Variants in DNAH5 observed in about 807,000 individuals in gnomAD.
DNAH5 encodes the protein axonemal beta dynein heavy chain 5.
DNAH5 carries 372 observed loss-of-function variants against 518.2 expected under a neutral mutation model. The observed-to-expected ratio is 0.72, with a 90% CI of 0.66 to 0.78. The LOEUF is 0.78. Ranked by LOEUF, DNAH5 falls within the 30% of genes least tolerant of loss-of-function variation. DNAH5 has a pLI of 0.00. For missense variants in DNAH5, 5,523 were observed against 5,687.0 expected (o/e 0.97, Z 0.93); for synonymous variants, 2,039 against 2,025.9 (o/e 1.01, Z -0.17).
chr5:13,706,807 T>C (rs1009432972), intron 76 of DNAH5, among the ~76,000 whole-genome samples: 5 of 152,222 alleles, frequency 3.3e-5, no homozygotes, highest in Admixed American at 1.3e-4. Flanking sequence ...GTTAAATTCT[T>C]ATCCTTTTAT....
chr5:13,789,777 C>T (rs1756655305), intron 50 of DNAH5, among the ~76,000 whole-genome samples: 1 of 152,086 alleles, frequency 6.6e-6, no homozygotes, highest in South Asian at 2.1e-4. Flanking sequence ...CTGACTTCAA[C>T]AATTCCATTG....
Position 13,814,607 on chromosome 5 carries a change from C to G in DNAH5, c.7228G>C (p.Glu2410Gln). 1 of 1,613,710 alleles carries G rather than the reference C, an allele frequency of 6.2e-7. No individual in the cohort carries two copies. The change falls in exon 43 of 79, where the codon GAG (glutamate) becomes CAG (glutamine). Residue 2410 changes from glutamate (E) to glutamine (Q), a missense_variant and splice_region_variant. Physicochemically the swap from Glu to Gln is conservative, Grantham distance 29 (BLOSUM62 2). This residue lies in a region of DNAH5 where 5,121 missense variants were observed against 5,223.3 expected (regional missense o/e 0.98). Transcript: ENST00000265104. ...ACAAAAGAAGGATTCAATTATACCT[C>G]AAGAATAGGACTCCAATCAAGGATA... is the stretch of plus-strand genomic sequence containing the variant. ...SSILDWSPIL[E>Q]GFLKKRSPQE...
chr5:13,900,026 C>T, intron 15 of DNAH5, 180 bp downstream of exon 15: 1 of 610,366 alleles, frequency 1.6e-6, no homozygotes, highest in Middle Eastern at 4.3e-4. Flanking sequence ...TCTTGGCCTG[C>T]AAGACCTGTA....
chr5:13,892,062 A>C (rs955552510), intron 16 of DNAH5, among the ~76,000 whole-genome samples: 3 of 152,016 alleles, frequency 2.0e-5, no homozygotes, highest in Non-Finnish European at 2.9e-5. Flanking sequence ...ACACCTCCTT[A>C]AATAAATACC....
At chr5:13,755,525 G>T (rs1750878988) in intron 61 of DNAH5, among the ~76,000 whole-genome samples, 1 of 152,112 alleles carries the variant, frequency 6.6e-6, no homozygotes, top group Non-Finnish European at 1.5e-5. Flanking sequence ...TTCATCTCCA[G>T]GGTTACCTGT....
At chr5:13,950,366 T>C (rs1056673698) in intron 1 of DNAH5, among the ~76,000 whole-genome samples, 1 of 152,128 alleles carries the variant, frequency 6.6e-6, no homozygotes, top group African/African-American at 2.4e-5. Flanking sequence ...AACCTTCGCC[T>C]CCTGGGTTCA....
Position 13,715,421 on chromosome 5 carries a change from T to C in DNAH5, c.12910-801A>G, listed in dbSNP as rs577637459. ...GTACAGGCACCCCCAAATTTATACCTTCATGGCCACTTTTCTTATTCAGTG... is the reference window on the plus strand; with the variant it reads ...GTACAGGCACCCCCAAATTTATACCCTCATGGCCACTTTTCTTATTCAGTG... On this transcript the variant is annotated intron_variant, in intron 74 of 78. Transcript: ENST00000265104. Among the ~76,000 whole-genome samples the C allele has an allele frequency of 6.1e-4, 93 of 152,326 alleles. 2 individuals carry two copies. In the South Asian group the frequency reaches 0.019, roughly 31 times the overall value.
chr5:13,751,368 AT>A, intron 64 of DNAH5, 108 bp from the exon 65 acceptor site: 1 of 1,095,232 alleles, frequency 9.1e-7, no homozygotes, highest in Non-Finnish European at 1.3e-6. Context: ...ATTGGAGATC[AT>A]TTGTATACTA....
At position 13,891,040 on chromosome 5, in the gene DNAH5, G is replaced by A. The variant is rs375292481; in HGVS notation, c.2513C>T (p.Thr838Met). 34 of 1,613,976 alleles carry A rather than the reference G, an allele frequency of 2.1e-5. No homozygotes were observed. In the African/African-American group the frequency reaches 3.6e-4, roughly 17 times the overall value. The change falls in exon 17 of 79, where the codon ACG (threonine) becomes ATG (methionine). Residue 838 changes from threonine (T) to methionine (M), a missense_variant. Around this residue, in one of 3 missense-constraint regions of DNAH5, gnomAD observed 5,121 missense variants for 5,223.3 expected, o/e 0.98. Transcript: ENST00000265104. ...IDAILEEMSS[T>M]PLCQLPQEEP... ...CTCCTGGGGAAGCTGACAAAGAGGC[G>A]TGCTGCTCATTTCTTCTAGAATGGC...
At position 13,748,198 on chromosome 5, in the gene DNAH5, G is replaced by A. The variant is rs1749678488; in HGVS notation, c.11211+2880C>T. 2.0e-5 allele frequency among the ~76,000 whole-genome samples: 3 copies of A among 152,118 alleles called. No homozygotes were observed. The South Asian group carries it at 6.2e-4, about 32-fold the overall frequency. The stretch of plus-strand genomic sequence containing the variant: ...AAGATCAGATAGTTGTAGATGTGTG[G>A]TATTATTTCTGAGGGTTCTGTTCTG... On this transcript the variant is annotated intron_variant, in intron 65 of 78. Transcript: ENST00000265104.
At chr5:13,956,448 C>G (rs997949190) in intron 1 of DNAH5, among the ~76,000 whole-genome samples, 1 of 152,030 alleles carries the variant, frequency 6.6e-6, no homozygotes, top group Non-Finnish European at 1.5e-5. Context: ...TGTTTTTATC[C>G]CCTTGAAGGT....
upstream of DNAH5, among the ~76,000 whole-genome samples, chr5:13,949,238 C>T (rs1048144729): frequency 1.3e-5 from 2 of 152,104 alleles, no homozygotes; most frequent in African/African-American, 2.4e-5. Context: ...TTTGGTCTTT[C>T]CATCTTGAAA....
intron 31 of DNAH5, among the ~76,000 whole-genome samples, chr5:13,846,046 C>G (rs373056332): frequency 6.6e-6 from 1 of 150,558 alleles, no homozygotes; most frequent in South Asian, 2.1e-4. Flanking sequence ...ACCATGTTAG[C>G]CAGGCTAGTC....
intron 58 of DNAH5, 84 bp downstream of exon 58, chr5:13,768,876 A>G (rs2126775197): frequency 1.4e-6 from 2 of 1,461,498 alleles, no homozygotes. Flanking sequence ...CCAGTAGAGC[A>G]TTTCCTTGCT....
Position 13,823,355 on chromosome 5 carries a change from G to A in DNAH5, c.6595C>T (p.Pro2199Ser). The change falls in exon 40 of 79, where the codon CCC (proline) becomes TCC (serine). Residue 2199 changes from proline to serine, a missense_variant. Physicochemically the swap from Pro to Ser is moderately conservative, Grantham distance 74. Transcript: ENST00000265104. ...NLSKLIDEDE[P>S]LFLSLIEDLF... ...TCTTCAATCAAACTCAAAAACAAGG[G>A]TTCATCCTCATCAATCTAAAAAAAG... The A allele has an allele frequency of 6.2e-7, 1 of 1,611,918 alleles. No individual in the cohort carries two copies. Among genetic ancestry groups the A allele is most frequent in the Non-Finnish European group, 8.5e-7 (1 of 1,178,208 alleles).
At chr5:13,770,637 G>A (rs535058242) in intron 56 of DNAH5, 112 bp downstream of exon 56, 14 of 897,884 alleles carry the variant, frequency 1.6e-5, no homozygotes, top group African/African-American at 4.6e-5. Context: ...TGCCGCCACA[G>A]CTATGATACA....
intron 61 of DNAH5, among the ~76,000 whole-genome samples, chr5:13,754,891 G>A (rs191567707): frequency 1.9e-4 from 29 of 151,918 alleles, no homozygotes; most frequent in Admixed American, 1.8e-3. Context: ...TGTAATCTCA[G>A]TACTTTGGAA....
intron 1 of DNAH5, among the ~76,000 whole-genome samples, chr5:13,940,637 G>A (rs1308665141): frequency 1.3e-5 from 2 of 152,212 alleles, no homozygotes; most frequent in Admixed American, 1.3e-4. Context: ...AGCTCCCCTG[G>A]TGATTCTAAT....
In DNAH5 at chr5:13,691,964, G is replaced by A; in HGVS notation, c.*20C>T. 1 of 1,613,922 alleles carries A rather than the reference G, an allele frequency of 6.2e-7. No homozygotes were observed. Among genetic ancestry groups the A allele is most frequent in the Non-Finnish European group, 8.5e-7 (1 of 1,179,902 alleles). On this transcript the variant is annotated 3_prime_UTR_variant, in exon 79 of 79. Transcript: ENST00000265104. ...GATCTTGCATTTTCCAAAGCATTGGGTGGGGACACTCCCCACATGTTACTT... is the reference window on the plus strand; with the variant it reads ...GATCTTGCATTTTCCAAAGCATTGGATGGGGACACTCCCCACATGTTACTT...
Sources: allele counts gnomAD v4.1 joint callset (sites outside exome capture counted in the v4.1 genomes callset), GRCh38; gene constraint gnomAD v4.1.1; regional missense constraint gnomAD v4.1.1; transcripts MANE v1.5; gene names NCBI Gene and HGNC (gene_info 2026-07-23, HGNC 2026-07-21).